ZRANB3: variants seen among roughly 807,000 people sequenced by gnomAD.
ZRANB3 encodes DNA annealing helicase and endonuclease ZRANB3.
In ZRANB3, 125 loss-of-function variants were observed where a neutral mutation model predicts 133.8. The observed-to-expected ratio is 0.93, with a 90% confidence interval of 0.81 to 1.08. The LOEUF (loss-of-function observed/expected upper bound fraction) is 1.08. Ranked by LOEUF, ZRANB3 falls within the 50% of genes least tolerant of loss-of-function variation. The probability of loss-of-function intolerance (pLI) is 0.00; values close to 1 mark genes in which losing one functional copy is unlikely to be tolerated. For missense variants in ZRANB3, 1,229 were observed against 1,275.5 expected (o/e 0.96, Z 0.56); for synonymous variants, 387 against 432.7 (o/e 0.89, Z 1.31).
Position 135,499,949 on chromosome 2 carries a change from C to T in ZRANB3, c.161+4380G>A, listed in dbSNP as rs750221797. ...GGTATCACCAATGTAACCAATATGA[C>T]TAGTGTCCATATAAAAAAGGCAAAT... On this transcript the variant is annotated intron_variant, in intron 2 of 20. Coordinates refer to ENST00000264159, the MANE Select transcript of ZRANB3 (RefSeq NM_032143.4). Among the ~76,000 whole-genome samples the T allele has an allele frequency of 3.3e-5, 5 of 152,040 alleles. 1 individual carries two copies. The highest frequency in any genetic ancestry group is 6.6e-5 in the Admixed American group (1 of 15,252).
chr2:135,267,927 C>G (rs1364420629), intron 11 of ZRANB3, among the ~76,000 whole-genome samples: 1 of 151,960 alleles, frequency 6.6e-6, no homozygotes, highest in Non-Finnish European at 1.5e-5. Context: ...GCTTAGTCCC[C>G]TATAAAAGAG....
intron 2 of ZRANB3, among the ~76,000 whole-genome samples, chr2:135,445,589 T>C (rs1689984343): frequency 6.6e-6 from 1 of 151,900 alleles, no homozygotes; most frequent in Admixed American, 6.6e-5. Flanking sequence ...TGAAACTGCA[T>C]GACAAGGGCC....
In ZRANB3 at chr2:135,230,376, A is replaced by C. The variant is rs575940100; in HGVS notation, c.1954+137T>G. On this transcript the variant is annotated intron_variant, in intron 13 of 20. Transcript: ENST00000264159. ...GGATAAATTCAGTCTTCACTATAAGAAGCTCTTATTCCAATTTAAAAGCTA... is the reference window on the plus strand; with the variant it reads ...GGATAAATTCAGTCTTCACTATAAGCAGCTCTTATTCCAATTTAAAAGCTA... The C allele has an allele frequency of 1.8e-5, 12 of 673,164 alleles. No homozygotes were observed. In the African/African-American group the frequency reaches 2.0e-4, roughly 11 times the overall value. The allele number at this position is 673,164 out of a possible 1,614,324, so 41.7% of individuals were successfully genotyped here.
intron 2 of ZRANB3, among the ~76,000 whole-genome samples, chr2:135,483,618 TCTG>T (rs555355668): frequency 7.7e-4 from 117 of 152,194 alleles, no homozygotes; most frequent in African/African-American, 2.6e-3. Context: ...TTCCTTCAGT[TCTG>T]CTCTGATTTT....
chr2:135,330,430 T>G (rs562345033), intron 6 of ZRANB3, among the ~76,000 whole-genome samples: 1 of 152,310 alleles, frequency 6.6e-6, no homozygotes, highest in African/African-American at 2.4e-5. Flanking sequence ...GGATAAGCTC[T>G]TTGATGTGCT....
chr2:135,409,879 C>A (rs1409336046), intron 2 of ZRANB3, among the ~76,000 whole-genome samples: 1 of 152,008 alleles, frequency 6.6e-6, no homozygotes, highest in East Asian at 1.9e-4. Flanking sequence ...TTTACAATAG[C>A]CACACACACA....
intron 1 of ZRANB3, among the ~76,000 whole-genome samples, chr2:135,512,434 AT>A (rs998891083): frequency 5.8e-4 from 87 of 148,928 alleles, no homozygotes; most frequent in East Asian, 2.0e-3. Context: ...TGGGGAGATA[AT>A]TTTTTTTTTT....
intron 12 of ZRANB3, among the ~76,000 whole-genome samples, chr2:135,246,825 G>A (rs1445484449): frequency 6.6e-6 from 1 of 152,178 alleles, no homozygotes; most frequent in Non-Finnish European, 1.5e-5. Flanking sequence ...ATGGCAAAAT[G>A]CATGTTTTTA....
chr2:135,386,425 A>T (rs1013128518), intron 3 of ZRANB3, among the ~76,000 whole-genome samples: 1 of 152,228 alleles, frequency 6.6e-6, no homozygotes, highest in African/African-American at 2.4e-5. Context: ...ATTGTGGAAG[A>T]CAGTGTGGTG....
intron 2 of ZRANB3, among the ~76,000 whole-genome samples, chr2:135,496,768 C>T (rs1692691955): frequency 6.6e-6 from 1 of 152,164 alleles, no homozygotes; most frequent in Non-Finnish European, 1.5e-5. Context: ...GTCAGCTAAT[C>T]CCTAAACTAT....
intron 6 of ZRANB3, among the ~76,000 whole-genome samples, chr2:135,344,492 T>A (rs1319267158): frequency 6.6e-6 from 1 of 152,142 alleles, no homozygotes; most frequent in African/African-American, 2.4e-5. Context: ...TCCCAGCACT[T>A]CGGGAGGTCA....
chr2:135,206,171 G>A (rs957890049), intron 19 of ZRANB3, among the ~76,000 whole-genome samples: 5 of 152,092 alleles, frequency 3.3e-5, no homozygotes, highest in African/African-American at 9.7e-5. Flanking sequence ...TGAAGCATAA[G>A]AGGCATTATA....
intron 3 of ZRANB3, among the ~76,000 whole-genome samples, chr2:135,359,241 G>C (rs1685568974): frequency 6.6e-6 from 1 of 152,172 alleles, no homozygotes; most frequent in South Asian, 2.1e-4. Context: ...AGCTTTATTA[G>C]CTAGAGTAAA....
intron 2 of ZRANB3, among the ~76,000 whole-genome samples, chr2:135,436,464 C>G (rs1040143979): frequency 6.6e-6 from 1 of 152,070 alleles, no homozygotes; most frequent in African/African-American, 2.4e-5. Flanking sequence ...TCCCATACAC[C>G]AACAACAGCC....
chr2:135,216,150 C>T (rs1488492585), intron 17 of ZRANB3, among the ~76,000 whole-genome samples: 2 of 148,082 alleles, frequency 1.4e-5, no homozygotes, highest in East Asian at 2.0e-4. Context: ...ATTCCTTGTT[C>T]TTACAAACAA....
intron 8 of ZRANB3, among the ~76,000 whole-genome samples, chr2:135,307,803 G>A (rs1299963378): frequency 6.6e-6 from 1 of 152,092 alleles, no homozygotes; most frequent in African/African-American, 2.4e-5. Flanking sequence ...TGTAGTCAGC[G>A]CTGAGTTCTG....
chr2:135,401,291 T>C (rs571882037), intron 2 of ZRANB3, among the ~76,000 whole-genome samples: 1 of 151,416 alleles, frequency 6.6e-6, no homozygotes, highest in Admixed American at 6.6e-5. Flanking sequence ...CTTTCCCGGA[T>C]TGCAGACATA....
In ZRANB3 at chr2:135,426,542, C is replaced by T. The variant is rs146641603; in HGVS notation, c.162-35722G>A. Among the ~76,000 whole-genome samples the T allele has an allele frequency of 2.9e-3, 442 of 151,850 alleles. 2 individuals are homozygous for T. The highest frequency in any genetic ancestry group is 0.01 in the African/African-American group (418 of 41,426). ...GGATGCAAGATTGGTTCAATATATG[C>T]AAATTGGCCGGGCACGGTGGCTCAT... On this transcript the variant is annotated intron_variant, in intron 2 of 20. Coordinates refer to ENST00000264159, the MANE Select transcript of ZRANB3 (RefSeq NM_032143.4).
chr2:135,263,934 C>G (rs891778900), intron 12 of ZRANB3, among the ~76,000 whole-genome samples: 1 of 151,562 alleles, frequency 6.6e-6, no homozygotes, highest in Non-Finnish European at 1.5e-5. Flanking sequence ...TGCCATGACG[C>G]CCGGCTAATT....
Sources: allele counts gnomAD v4.1 joint callset (sites outside exome capture counted in the v4.1 genomes callset), GRCh38; gene constraint gnomAD v4.1.1; transcripts MANE v1.5; gene names NCBI Gene and HGNC (gene_info 2026-07-23, HGNC 2026-07-21).